Variants in NOL12 observed in about 807,000 individuals in gnomAD.
The protein encoded by NOL12 is nucleolar protein 12.
In NOL12, 21 loss-of-function variants were observed where a neutral mutation model predicts 25.2. That is an observed-to-expected ratio of 0.83 (90% CI 0.59 to 1.20). The LOEUF is 1.20. Among genes scored for constraint, NOL12 ranks in the 50% most tolerant of loss-of-function variants. The pLI is 0.00. For missense variants in NOL12, 286 were observed against 287.6 expected (o/e 0.99, Z 0.04); for synonymous variants, 133 against 113.8 (o/e 1.17, Z -1.08).
chr22:37,687,784 TACTTAC>T (rs1921886722), intron 1 of NOL12, 120 bp from the exon 2 acceptor site: 2 of 665,848 alleles, frequency 3.0e-6, no homozygotes, highest in Non-Finnish European at 5.3e-6. Flanking sequence ...AATGAGCTAA[TACTTAC>T]ACTTTTTTGG....
At chr22:37,687,356 C>T (rs1322270567) in intron 1 of NOL12, among the ~76,000 whole-genome samples, 1 of 143,004 alleles carries the variant, frequency 7.0e-6, no homozygotes, top group East Asian at 2.1e-4. Flanking sequence ...CCTTATTTTC[C>T]TAAATGTATC....
At chr22:37,690,925 T>G (rs1922038182) in intron 5 of NOL12, 131 bp downstream of exon 5, 1 of 726,448 alleles carries the variant, frequency 1.4e-6, no homozygotes, top group Non-Finnish European at 2.3e-6. Flanking sequence ...CCTCTGCCTC[T>G]CCTCATTGCC....
At chr22:37,686,961 A>G in intron 1 of NOL12, 1 of 985,438 alleles carries the variant, frequency 1.0e-6, no homozygotes, top group Non-Finnish European at 1.2e-6. Context: ...GGTCAGCGAA[A>G]AGCCCAGTGC....
At chr22:37,686,995 C>T (rs1921844004) in intron 1 of NOL12, 1 of 985,266 alleles carries the variant, frequency 1.0e-6, no homozygotes, top group Non-Finnish European at 1.2e-6. Context: ...AAAATGGGAA[C>T]AGAGCAGCTA....
Position 37,691,350 on chromosome 22 carries a change from G to C in NOL12, c.*14G>C, listed in dbSNP as rs1239240966. ...AGCGGGGAGTGAGACCGAGAACGAAGCGGTGCCCCAGTCTAGGCTGCGGGG... is the reference window on the plus strand; with the variant it reads ...AGCGGGGAGTGAGACCGAGAACGAACCGGTGCCCCAGTCTAGGCTGCGGGG... On this transcript the variant is annotated 3_prime_UTR_variant, in exon 6 of 6. Transcript: ENST00000359114. 1 of 1,597,266 alleles carries C rather than the reference G, an allele frequency of 6.3e-7. No homozygotes were observed. The highest frequency in any genetic ancestry group is 1.3e-5 in the African/African-American group (1 of 74,420).
chr22:37,686,802 G>C, intron 1 of NOL12: 1 of 985,476 alleles, frequency 1.0e-6, no homozygotes, highest in Non-Finnish European at 1.2e-6. Context: ...GTTGATAAAT[G>C]ATGAGCCAAT....
intron 4 of NOL12, among the ~76,000 whole-genome samples, chr22:37,689,237 T>A (rs904708329): frequency 6.6e-6 from 1 of 152,256 alleles, no homozygotes; most frequent in Non-Finnish European, 1.5e-5. Context: ...CCAGCCCCAC[T>A]GCTGAGCGGC....
At chr22:37,691,046 G>C in intron 5 of NOL12, 128 bp from the exon 6 acceptor site, 1 of 1,136,116 alleles carries the variant, frequency 8.8e-7, no homozygotes, top group Non-Finnish European at 1.3e-6. Context: ...TGGAGGTAGA[G>C]CAGGCCAACT....
chr22:37,687,948 G>A lies in NOL12; in HGVS notation c.122G>A (p.Arg41Gln), dbSNP rs573370291. 2.8e-5 allele frequency: 44 copies of A among 1,575,086 alleles called. No homozygotes were observed. The South Asian group carries it at 3.7e-4, about 13-fold the overall frequency. Residue 41 changes from arginine (R) to glutamine (Q), a missense_variant, in exon 2 of 6, where the codon CGA becomes CAA. Coordinates refer to ENST00000359114, the MANE Select transcript of NOL12 (RefSeq NM_024313.3). ...GGCTTCCACAAGCGGAAGGTCGAGC[G>A]AAAGAAGGCAGCCATTGAGGAGATT... Reference protein sequence around the residue: ...LTGFHKRKVERKKAAIEEIKQ... With the variant: ...LTGFHKRKVEQKKAAIEEIKQ...
Position 37,688,350 on chromosome 22 carries a change from A to G in NOL12, c.228A>G (p.Glu76=), listed in dbSNP as rs1295113065. 1.2e-6 allele frequency: 2 copies of G among 1,614,034 alleles called. No individual in the cohort carries two copies. The highest frequency in any genetic ancestry group is 1.7e-5 in the Admixed American group (1 of 59,990). The change falls in exon 3 of 6, where the codon GAA becomes GAG. Residue 76 remains glutamate, a synonymous_variant. Transcript: ENST00000359114. ...QEYLKMLAER[E]EALEEADELD... Reference sequence around the variant, plus strand: ...ACTTGAAGATGCTGGCAGAGAGAGAAGAGGCTCTGGGTAAGTGGCATGCTT... The same window carrying G: ...ACTTGAAGATGCTGGCAGAGAGAGAGGAGGCTCTGGGTAAGTGGCATGCTT...
In NOL12 at chr22:37,692,700, G is replaced by C; in HGVS notation, c.*1364G>C. ...TGAGGGGCATCTGCGACAGGACTGC[G>C]GGCTCTACCCGCCCTGATGTGGGAG... On this transcript the variant is annotated 3_prime_UTR_variant, in exon 6 of 6. Coordinates refer to ENST00000359114, the MANE Select transcript of NOL12 (RefSeq NM_024313.3). The C allele has an allele frequency of 7.5e-6, 3 of 399,108 alleles. No homozygotes were observed. The highest frequency in any genetic ancestry group is 8.8e-6 in the Non-Finnish European group (2 of 226,418). The allele number at this position is 399,108 out of a possible 1,614,324, so 24.7% of individuals were successfully genotyped here.
At chr22:37,688,826 C>A (rs776811671) in intron 3 of NOL12, 24 bp from the exon 4 acceptor site, 92 of 1,613,528 alleles carry the variant, frequency 5.7e-5, no homozygotes, top group Non-Finnish European at 7.6e-5. Flanking sequence ...GTGACTGAGA[C>A]CAGGTCTGTG....
chr22:37,690,728 C>T lies in NOL12; in HGVS notation c.413C>T (p.Ala138Val), dbSNP rs1312687540. The part of the protein sequence containing the change: ...GGAGDRSEEE[A>V]SSTEKPTKAL... Reference sequence around the variant, plus strand: ...GCTGGAGACAGGTCTGAGGAGGAGGCGTCATCCACGGAGAAACCAACCAAA... The same window carrying T: ...GCTGGAGACAGGTCTGAGGAGGAGGTGTCATCCACGGAGAAACCAACCAAA... The change falls in exon 5 of 6, where the codon GCG becomes GTG. Residue 138 changes from alanine (A) to valine (V), a missense_variant. Physicochemically the swap from Ala to Val is moderately conservative, Grantham distance 64. Transcript: ENST00000359114. 1.9e-6 allele frequency: 3 copies of T among 1,613,656 alleles called. No individual in the cohort carries two copies. The highest frequency in any genetic ancestry group is 2.2e-5 in the East Asian group (1 of 44,848).
intron 1 of NOL12, chr22:37,686,773 C>T (rs2145794798): frequency 1.0e-6 from 1 of 985,484 alleles, no homozygotes; most frequent in East Asian, 1.1e-4. Flanking sequence ...GTCCGGCACA[C>T]AGCAGGCGCC....
Position 37,691,473 on chromosome 22 carries a change from G to A in NOL12, c.*137G>A, listed in dbSNP as rs928014594. 5 of 941,484 alleles carry A rather than the reference G, an allele frequency of 5.3e-6. No individual in the cohort carries two copies. The African/African-American group carries it at 8.8e-5, about 16-fold the overall frequency. The allele number at this position is 941,484 out of a possible 1,614,324, so 58.3% of individuals were successfully genotyped here. A position where few individuals can be genotyped will look rare whatever the true frequency, so the allele number is the denominator to read the frequency against. ...TGGGAAGCCAGGACCTCTCTGGCCT[G>A]GGGCCAGCTGCCTTTGCCTGGGGTC... On this transcript the variant is annotated 3_prime_UTR_variant, in exon 6 of 6. Coordinates refer to ENST00000359114, the MANE Select transcript of NOL12 (RefSeq NM_024313.3).
chr22:37,692,838 T>G lies in NOL12; in HGVS notation c.*1502T>G. 1 of 397,652 alleles carries G rather than the reference T, an allele frequency of 2.5e-6. No homozygotes were observed. The highest frequency in any genetic ancestry group is 4.4e-6 in the Non-Finnish European group (1 of 225,970). 24.6% of individuals were successfully genotyped at this position (397,652 alleles called of 1,614,324 possible). ...CTTAGTGACTGTGCCTCAGTTATGC[T>G]GTACCTGGGAGTGGGCAGGCCCTCT... On this transcript the variant is annotated 3_prime_UTR_variant, in exon 6 of 6. Coordinates refer to ENST00000359114, the MANE Select transcript of NOL12 (RefSeq NM_024313.3).
intron 4 of NOL12, 84 bp from the exon 5 acceptor site, chr22:37,690,613 G>T: frequency 1.1e-6 from 1 of 951,888 alleles, no homozygotes; most frequent in Non-Finnish European, 1.6e-6. Flanking sequence ...GCCACCACTT[G>T]CCAGAGCCAT....
In NOL12 at chr22:37,692,098, T is replaced by G. The variant is rs1158614299; in HGVS notation, c.*762T>G. On this transcript the variant is annotated 3_prime_UTR_variant, in exon 6 of 6. Transcript: ENST00000359114. Reference sequence around the variant, plus strand: ...GCAGCCGGGCTTGGTGGCTCACGCCTGTAATCCCAGCACTTTGGGAGGCCC... The same window carrying G: ...GCAGCCGGGCTTGGTGGCTCACGCCGGTAATCCCAGCACTTTGGGAGGCCC... The G allele has an allele frequency of 6.2e-6, 1 of 160,816 alleles. No individual in the cohort carries two copies. The highest frequency in any genetic ancestry group is 1.4e-5 in the Non-Finnish European group (1 of 73,956). 10.0% of individuals were successfully genotyped at this position (160,816 alleles called of 1,614,324 possible). A position where few individuals can be genotyped will look rare whatever the true frequency, so the allele number is the denominator to read the frequency against.
intron 3 of NOL12, 71 bp from the exon 4 acceptor site, chr22:37,688,779 G>A: frequency 1.3e-6 from 2 of 1,560,422 alleles, no homozygotes; most frequent in African/African-American, 1.4e-5. Flanking sequence ...CTGCACTCCA[G>A]GGCGGGAGGG....
Sources: allele counts gnomAD v4.1 joint callset (sites outside exome capture counted in the v4.1 genomes callset), GRCh38; gene constraint gnomAD v4.1.1; transcripts MANE v1.5; gene names NCBI Gene and HGNC (gene_info 2026-07-23, HGNC 2026-07-21).